Variants in CCND2 observed in about 807,000 individuals in gnomAD.
The protein encoded by CCND2 is G1/S-specific cyclin-D2.
In CCND2, 6 loss-of-function variants were observed where a neutral mutation model predicts 30.2. That is an observed-to-expected ratio of 0.20 (90% CI 0.11 to 0.39). The LOEUF (loss-of-function observed/expected upper bound fraction) is 0.39, where lower values mean the gene tolerates loss of function less well. Among genes scored for constraint, CCND2 ranks in the 10% least tolerant of loss-of-function variants. CCND2 has a pLI of 1.00. For missense variants in CCND2, 235 were observed against 373.4 expected (o/e 0.63, Z 3.06); for synonymous variants, 150 against 153.1 (o/e 0.98, Z 0.15).
At chr12:4,291,917 A>C (rs989749686) in intron 4 of CCND2, among the ~76,000 whole-genome samples, 3 of 152,216 alleles carry the variant, frequency 2.0e-5, no homozygotes, top group Non-Finnish European at 2.9e-5. Flanking sequence ...TCGTAGAGAC[A>C]GAAAGTAGAA....
Position 4,279,006 on chromosome 12 carries a change from AT to A in CCND2, c.571+91del, listed in dbSNP as rs3217808. The A allele has an allele frequency of 1.8e-3, 2,532 of 1,374,882 alleles. 43 individuals carry two copies. In the African/African-American group the frequency reaches 0.032, roughly 18 times the overall value. 85.2% of individuals were successfully genotyped at this position (1,374,882 alleles called of 1,614,324 possible). A position where few individuals can be genotyped will look rare whatever the true frequency, so the allele number is the denominator to read the frequency against. On this transcript the variant is annotated intron_variant, in intron 3 of 4. Coordinates refer to ENST00000261254, the MANE Select transcript of CCND2 (RefSeq NM_001759.4). ...GAGGCAAAAGGCCGTAGGAACTTTC[AT>A]TTTAGTTCAGGAGTTTGGAGGAGGG... is the stretch of plus-strand genomic sequence containing the variant.
In CCND2 at chr12:4,274,018, G is replaced by A. The variant is rs751840917; in HGVS notation, c.-23G>A. 2 of 1,604,484 alleles carry A rather than the reference G, an allele frequency of 1.2e-6. No homozygotes were observed. Among genetic ancestry groups the A allele is most frequent in the East Asian group, 2.2e-5 (1 of 44,644 alleles). On this transcript the variant is annotated 5_prime_UTR_variant, in exon 1 of 5. Coordinates refer to ENST00000261254, the MANE Select transcript of CCND2 (RefSeq NM_001759.4). This position sits in a 1 kb window ranked among gnomAD's most constrained non-coding sequence, Gnocchi z 7.7. ...TTTTCCAGGCCGGGGAAAGCAGGAGGGAGAGGGGCCGCCGGGCTGGCCATG... is the reference window on the plus strand; with the variant it reads ...TTTTCCAGGCCGGGGAAAGCAGGAGAGAGAGGGGCCGCCGGGCTGGCCATG...
In CCND2 at chr12:4,302,483, A is replaced by T. The variant is rs570576106; in HGVS notation, c.*2474A>T. The T allele has an allele frequency of 4.3e-6, 1 of 232,946 alleles. No homozygotes were observed. Among genetic ancestry groups the T allele is most frequent in the South Asian group, 1.8e-4 (1 of 5,518 alleles). 14.4% of individuals were successfully genotyped at this position (232,946 alleles called of 1,614,324 possible). A position where few individuals can be genotyped will look rare whatever the true frequency, so the allele number is the denominator to read the frequency against. On this transcript the variant is annotated 3_prime_UTR_variant, in exon 5 of 5. Coordinates refer to ENST00000261254, the MANE Select transcript of CCND2 (RefSeq NM_001759.4). ...CCCTCCGTCTTTCCCCTCCCCTGGC[A>T]TGGACACCTTGTGTTTAGGATCATC... is the stretch of plus-strand genomic sequence containing the variant.
rs1462589219 is a variant in CCND2 at position 4,287,609 on chromosome 12, A to G, written c.572-1233A>G. 6.6e-6 allele frequency among the ~76,000 whole-genome samples: 1 copy of G among 152,114 alleles called. No individual in the cohort carries two copies. Among genetic ancestry groups the G allele is most frequent in the Non-Finnish European group, 1.5e-5 (1 of 68,022 alleles). ...TGGCTGCAACTATACCCACCCTAATATCTGTCAACACGAGCAGGGGCAACT... is the reference window on the plus strand; with the variant it reads ...TGGCTGCAACTATACCCACCCTAATGTCTGTCAACACGAGCAGGGGCAACT... On this transcript the variant is annotated intron_variant, in intron 3 of 4. Transcript: ENST00000261254. The surrounding 1 kb of genome is among the most constrained non-coding windows in gnomAD (Gnocchi z 4.0).
chr12:4,274,284 T>C lies in CCND2; in HGVS notation c.195+49T>C, dbSNP rs746798022. 6.9e-6 allele frequency: 11 copies of C among 1,587,730 alleles called. No individual in the cohort carries two copies. In the African/African-American group the frequency reaches 1.2e-4, roughly 17 times the overall value. ...CAGGAGCCAGGACCCCTCCGGATGC[T>C]CGGGTCCCCGGCCGGAGCCCTAAAC... On this transcript the variant is annotated intron_variant, in intron 1 of 4. Transcript: ENST00000261254. The surrounding 1 kb of genome is among the most constrained non-coding windows in gnomAD (Gnocchi z 7.7).
intron 3 of CCND2, among the ~76,000 whole-genome samples, chr12:4,283,103 C>T (rs961168196): frequency 2.6e-5 from 4 of 152,190 alleles, no homozygotes; most frequent in African/African-American, 9.7e-5. Flanking sequence ...CCATGTATTC[C>T]GTGGTTTTAA....
intron 4 of CCND2, among the ~76,000 whole-genome samples, chr12:4,290,532 C>G (rs1324217174): frequency 1.3e-5 from 2 of 152,226 alleles, no homozygotes; most frequent in Non-Finnish European, 2.9e-5. Context: ...ACAAGCCCTT[C>G]CTCAATGCCT....
intron 3 of CCND2, among the ~76,000 whole-genome samples, chr12:4,283,252 C>T (rs1170473253): frequency 6.6e-6 from 1 of 152,196 alleles, no homozygotes. Context: ...CCCAGGGCAT[C>T]CTTGGGAGGA....
chr12:4,274,233 G>C lies in CCND2; in HGVS notation c.193G>C (p.Glu65Gln), dbSNP rs1234478843. The change falls in exon 1 of 5, where the codon GAG becomes CAG. Residue 65 changes from glutamate (E) to glutamine (Q), a missense_variant and splice_region_variant. Physicochemically the swap from Glu to Gln is conservative, Grantham distance 29. Around this residue, in one of 2 missense-constraint regions of CCND2, gnomAD observed 178 missense variants for 322.8 expected, o/e 0.55. Transcript: ENST00000261254. The surrounding 1 kb of genome is among the most constrained non-coding windows in gnomAD (Gnocchi z 7.7). ...MRRMVATWML[E>Q]VCEEQKCEEE... ...CAGAATGGTGGCCACCTGGATGCTG[G>C]AGGTAGGTCGGGGGGTGGCGCTCGC... The C allele has an allele frequency of 1.2e-6, 2 of 1,613,786 alleles. No homozygotes were observed. Among genetic ancestry groups the C allele is most frequent in the Non-Finnish European group, 1.7e-6 (2 of 1,179,764 alleles).
In CCND2 at chr12:4,303,266, G is replaced by A. The variant is rs1864275726; in HGVS notation, c.*3257G>A. The A allele has an allele frequency of 4.3e-6, 1 of 233,200 alleles. No homozygotes were observed. Among genetic ancestry groups the A allele is most frequent in the Non-Finnish European group, 8.5e-6 (1 of 118,120 alleles). 14.4% of individuals were successfully genotyped at this position (233,200 alleles called of 1,614,324 possible). ...TGTGGGGCTGCCGATGGGAAAGTCG[G>A]GGGTTGTTAGGCTTTTCTGCCTGCT... is the stretch of plus-strand genomic sequence containing the variant. On this transcript the variant is annotated 3_prime_UTR_variant, in exon 5 of 5. Coordinates refer to ENST00000261254, the MANE Select transcript of CCND2 (RefSeq NM_001759.4). The surrounding 1 kb of genome is among the most constrained non-coding windows in gnomAD (Gnocchi z 4.6).
At chr12:4,289,659 T>C (rs1864070857) in intron 4 of CCND2, among the ~76,000 whole-genome samples, 1 of 152,176 alleles carries the variant, frequency 6.6e-6, no homozygotes, top group South Asian at 2.1e-4. Context: ...TTGGAGCTCC[T>C]GAGAAGAAAG....
In CCND2 at chr12:4,287,754, T is replaced by A. The variant is rs1467672586; in HGVS notation, c.572-1088T>A. 6.6e-6 allele frequency among the ~76,000 whole-genome samples: 1 copy of A among 152,116 alleles called. No homozygotes were observed. Among genetic ancestry groups the A allele is most frequent in the Non-Finnish European group, 1.5e-5 (1 of 68,020 alleles). ...ATGTGTAGCGTACTGCATGTGGTGGTCATTGGTAGCTGTCAGCAGCTGTAA... is the reference window on the plus strand; with the variant it reads ...ATGTGTAGCGTACTGCATGTGGTGGACATTGGTAGCTGTCAGCAGCTGTAA... On this transcript the variant is annotated intron_variant, in intron 3 of 4. Coordinates refer to ENST00000261254, the MANE Select transcript of CCND2 (RefSeq NM_001759.4). This position sits in a 1 kb window ranked among gnomAD's most constrained non-coding sequence, Gnocchi z 4.0.
At position 4,282,258 on chromosome 12, in the gene CCND2, G is replaced by A. The variant is rs1171949608; in HGVS notation, c.571+3339G>A. On this transcript the variant is annotated intron_variant, in intron 3 of 4. Transcript: ENST00000261254. This position sits in a 1 kb window ranked among gnomAD's most constrained non-coding sequence, Gnocchi z 4.3. ...GGAGGTGCTCACCCTCCCTCTCCAG[G>A]CACCCACATCCCCTCTTTCTTCACT... is the stretch of plus-strand genomic sequence containing the variant. Among the ~76,000 whole-genome samples, 4 of 152,036 alleles carry A rather than the reference G, an allele frequency of 2.6e-5. No individual in the cohort carries two copies. Among genetic ancestry groups the A allele is most frequent in the South Asian group, 2.1e-4 (1 of 4,820 alleles).
Position 4,299,563 on chromosome 12 carries a change from A to G in CCND2, c.721-297A>G, listed in dbSNP as rs1268693425. 1.3e-5 allele frequency among the ~76,000 whole-genome samples: 2 copies of G among 152,130 alleles called. No individual in the cohort carries two copies. The highest frequency in any genetic ancestry group is 2.9e-5 in the Non-Finnish European group (2 of 68,016). ...ACCATCATTTAGGCCAGTGCTTCTC[A>G]GAATGCCAATCACCTGGGCTCCACT... On this transcript the variant is annotated intron_variant, in intron 4 of 4. Coordinates refer to ENST00000261254, the MANE Select transcript of CCND2 (RefSeq NM_001759.4). The surrounding 1 kb of genome is among the most constrained non-coding windows in gnomAD (Gnocchi z 5.2).
chr12:4,285,720 C>T lies in CCND2; in HGVS notation c.572-3122C>T, dbSNP rs3217841. Reference sequence around the variant, plus strand: ...GGCTGCATTGGGTAGGTGGAGCTTTCCACAGTTGAGGGTGGGGGTTGGCTA... The same window carrying T: ...GGCTGCATTGGGTAGGTGGAGCTTTTCACAGTTGAGGGTGGGGGTTGGCTA... On this transcript the variant is annotated intron_variant, in intron 3 of 4. Coordinates refer to ENST00000261254, the MANE Select transcript of CCND2 (RefSeq NM_001759.4). This position sits in a 1 kb window ranked among gnomAD's most constrained non-coding sequence, Gnocchi z 4.1. Among the ~76,000 whole-genome samples, 354 of 152,318 alleles carry T rather than the reference C, an allele frequency of 2.3e-3. 3 individuals are homozygous for T. The highest frequency in any genetic ancestry group is 8.2e-3 in the African/African-American group (342 of 41,550).
In CCND2 at chr12:4,278,783, G is replaced by A. The variant is rs779630892; in HGVS notation, c.435G>A (p.Gly145=). 6.2e-7 allele frequency: 1 copy of A among 1,614,184 alleles called. No individual in the cohort carries two copies. The highest frequency in any genetic ancestry group is 8.5e-7 in the Non-Finnish European group (1 of 1,180,000). Reference sequence around the variant, plus strand: ...AGGAGTGGGAACTGGTGGTGCTGGGGAAGTTGAAGTGGAACCTGGCAGCTG... The same window carrying A: ...AGGAGTGGGAACTGGTGGTGCTGGGAAAGTTGAAGTGGAACCTGGCAGCTG... ...ELLEWELVVL[G]KLKWNLAAVT... The change falls in exon 3 of 5, where the codon GGG becomes GGA. Residue 145 remains glycine (G), a synonymous_variant. Coordinates refer to ENST00000261254, the MANE Select transcript of CCND2 (RefSeq NM_001759.4).
rs537024079 is a variant in CCND2 at position 4,299,136 on chromosome 12, C to T, written c.721-724C>T. 1.3e-5 allele frequency among the ~76,000 whole-genome samples: 2 copies of T among 151,802 alleles called. No individual in the cohort carries two copies. Among genetic ancestry groups the T allele is most frequent in the South Asian group, 2.1e-4 (1 of 4,800 alleles). ...CAGCACTTTGGGAGGCCGATGCGGG[C>T]GGATCACAAGGTCAGGAGTTCGAGG... On this transcript the variant is annotated intron_variant, in intron 4 of 4. Transcript: ENST00000261254. This position sits in a 1 kb window ranked among gnomAD's most constrained non-coding sequence, Gnocchi z 5.2.
In CCND2 at chr12:4,285,857, G is replaced by A. The variant is rs547790072; in HGVS notation, c.572-2985G>A. ...GGGGGATGTCCTTGAGAGTGGTCCT[G>A]GGGCAGCCCTGGTGCCACGGGGAAG... On this transcript the variant is annotated intron_variant, in intron 3 of 4. Transcript: ENST00000261254. This position sits in a 1 kb window ranked among gnomAD's most constrained non-coding sequence, Gnocchi z 4.1. Among the ~76,000 whole-genome samples, 1 of 152,316 alleles carries A rather than the reference G, an allele frequency of 6.6e-6. No homozygotes were observed. The highest frequency in any genetic ancestry group is 1.9e-4 in the East Asian group (1 of 5,186).
rs1010695368 is a variant in CCND2, at chr12:4,297,868, C to T, written c.721-1992C>T. 31 of 452,174 alleles carry T rather than the reference C, an allele frequency of 6.9e-5. 1 individual carries two copies. The highest frequency in any genetic ancestry group is 2.1e-4 in the East Asian group (3 of 14,350). 28.0% of individuals were successfully genotyped at this position (452,174 alleles called of 1,614,324 possible). A position where few individuals can be genotyped will look rare whatever the true frequency, so the allele number is the denominator to read the frequency against. ...CCAGCGCCCGACTCCATTTCAGCCT[C>T]GTTCAGGGTGGCACGGAGACTCCTG... On this transcript the variant is annotated intron_variant, in intron 4 of 4. Coordinates refer to ENST00000261254, the MANE Select transcript of CCND2 (RefSeq NM_001759.4).
Sources: gnomAD v4.1 joint callset for allele counts (sites outside exome capture counted in the v4.1 genomes callset) on GRCh38, gnomAD v4.1.1 for gene constraint, gnomAD v4.1.1 regional missense constraint, Gnocchi (gnomAD v3.1) non-coding constraint, MANE v1.5 for transcripts, NCBI Gene and HGNC (gene_info 2026-07-23, HGNC 2026-07-21) for gene names.